EYA4: variants seen among roughly 807,000 people sequenced by gnomAD.
The protein encoded by EYA4 is EYA transcriptional coactivator and phosphatase 4.
A neutral mutation model predicts 87.9 loss-of-function variants in EYA4; 31 were observed. The ratio of observed to expected loss-of-function variants is 0.35; its 90% CI spans 0.27 to 0.48. EYA4 has a LOEUF of 0.48. EYA4 is among the 20% of genes least tolerant of loss of function. The probability of loss-of-function intolerance (pLI) is 0.99; values close to 1 mark genes in which losing one functional copy is unlikely to be tolerated. For missense variants in EYA4, 678 were observed against 761.4 expected (o/e 0.89, Z 1.29); for synonymous variants, 263 against 270.6 (o/e 0.97, Z 0.28).
intron 2 of EYA4, among the ~76,000 whole-genome samples, chr6:133,351,835 T>C (rs1216991577): frequency 6.6e-6 from 1 of 152,210 alleles, no homozygotes; most frequent in African/African-American, 2.4e-5. Context: ...AGGAACCTAA[T>C]GAACCCTTAT....
At position 133,270,447 on chromosome 6, in the gene EYA4, G is replaced by A. The variant is rs2105103; in HGVS notation, c.-65-4269G>A. 5.3e-5 allele frequency among the ~76,000 whole-genome samples: 8 copies of A among 152,160 alleles called. No homozygotes were observed. The East Asian group carries it at 1.5e-3, about 29-fold the overall frequency. ...CATGATAAAGGAAAAGGAAATAAAG[G>A]TATTTTCTTAGTACAAGTGTATACA... On this transcript the variant is annotated intron_variant, in intron 1 of 19. Transcript: ENST00000355286.
At position 133,332,636 on chromosome 6, in the gene EYA4, C is replaced by T. The variant is rs1034372774; in HGVS notation, c.34-49756C>T. Among the ~76,000 whole-genome samples, 6 of 152,050 alleles carry T rather than the reference C, an allele frequency of 3.9e-5. No individual in the cohort carries two copies. In the East Asian group the frequency reaches 5.8e-4, roughly 15 times the overall value. On this transcript the variant is annotated intron_variant, in intron 2 of 19. Coordinates refer to ENST00000355286, the MANE Select transcript of EYA4 (RefSeq NM_004100.5). The stretch of plus-strand genomic sequence containing the variant: ...TCAGCTAACTGCTACCTCCGCCTCC[C>T]GGGTTCAAGCTATTCCCCTGCCTCA...
chr6:133,371,473 C>G (rs1451570606), intron 2 of EYA4, among the ~76,000 whole-genome samples: 1 of 152,192 alleles, frequency 6.6e-6, no homozygotes, highest in Non-Finnish European at 1.5e-5. Flanking sequence ...CGAAAGTTCA[C>G]TAAACCACTA....
chr6:133,328,319 T>TA (rs2128375361), intron 2 of EYA4, among the ~76,000 whole-genome samples: 1 of 152,294 alleles, frequency 6.6e-6, no homozygotes, highest in East Asian at 1.9e-4. Context: ...CACATGGTTT[T>TA]AAATCACTCC....
chr6:133,370,754 G>A (rs1397146322), intron 2 of EYA4, among the ~76,000 whole-genome samples: 3 of 152,054 alleles, frequency 2.0e-5, no homozygotes, highest in African/African-American at 7.2e-5. Flanking sequence ...TTTGAAATTT[G>A]TGCTGAATTT....
intron 2 of EYA4, among the ~76,000 whole-genome samples, chr6:133,292,013 C>T (rs979971557): frequency 1.3e-4 from 20 of 152,110 alleles, no homozygotes; most frequent in Non-Finnish European, 2.5e-4. Flanking sequence ...TACTTGCATA[C>T]TATCCTAGGG....
chr6:133,373,993 C>G lies in EYA4; in HGVS notation c.34-8399C>G, dbSNP rs536297141. Reference sequence around the variant, plus strand: ...CACTGGGTAATAATGAAAAAATATACCATTAGAAGGAGTTTGAAATTTTCC... The same window carrying G: ...CACTGGGTAATAATGAAAAAATATAGCATTAGAAGGAGTTTGAAATTTTCC... On this transcript the variant is annotated intron_variant, in intron 2 of 19. Transcript: ENST00000355286. Among the ~76,000 whole-genome samples the G allele has an allele frequency of 2.0e-5, 3 of 151,940 alleles. No individual in the cohort carries two copies. In the East Asian group the frequency reaches 5.8e-4, roughly 29 times the overall value.
intron 17 of EYA4, among the ~76,000 whole-genome samples, chr6:133,516,246 G>A (rs1389591657): frequency 2.0e-5 from 3 of 152,188 alleles, no homozygotes; most frequent in African/African-American, 4.8e-5. Flanking sequence ...AGGGTGAAGG[G>A]TAGGAGGAGG....
chr6:133,307,845 G>C (rs1329198288), intron 2 of EYA4, among the ~76,000 whole-genome samples: 2 of 152,162 alleles, frequency 1.3e-5, no homozygotes, highest in African/African-American at 4.8e-5. Flanking sequence ...GATATGGTTT[G>C]ATTGTGTCAT....
chr6:133,302,963 G>A (rs774576329), intron 2 of EYA4, among the ~76,000 whole-genome samples: 57 of 152,234 alleles, frequency 3.7e-4, no homozygotes, highest in Non-Finnish European at 6.0e-4. Flanking sequence ...AGTCTCAGTT[G>A]CAGCTGCTTA....
intron 2 of EYA4, among the ~76,000 whole-genome samples, chr6:133,300,779 C>T (rs1221036651): frequency 6.6e-6 from 1 of 152,088 alleles, no homozygotes; most frequent in African/African-American, 2.4e-5. Flanking sequence ...CTTATACTGG[C>T]TGTAATTATT....
chr6:133,507,362 A>G (rs1450772275), intron 14 of EYA4: 1 of 130,474 alleles, frequency 7.7e-6, no homozygotes, highest in Non-Finnish European at 1.6e-5. Flanking sequence ...AAGCCAAGTT[A>G]TTGAGTTACT....
intron 5 of EYA4, among the ~76,000 whole-genome samples, chr6:133,454,276 G>A (rs1793720953): frequency 1.3e-5 from 2 of 152,156 alleles, no homozygotes; most frequent in African/African-American, 4.8e-5. Context: ...CTGTTTCTTA[G>A]TTTTGCTGAA....
At chr6:133,256,255 T>G (rs768916627) in intron 1 of EYA4, among the ~76,000 whole-genome samples, 5 of 151,490 alleles carry the variant, frequency 3.3e-5, no homozygotes, top group Non-Finnish European at 7.4e-5. Context: ...TAGTATTCAT[T>G]TTTATGAATG....
rs535330435 is a variant in EYA4 at position 133,271,389 on chromosome 6, C to T, written c.-65-3327C>T. 6.9e-4 allele frequency among the ~76,000 whole-genome samples: 105 copies of T among 152,116 alleles called. 1 individual carries two copies. Among genetic ancestry groups the T allele is most frequent in the African/African-American group, 2.5e-3 (102 of 41,484 alleles). ...TTCTTTATCCATAAAGTGAGTGCCT[C>T]GGTCAGAGGCAATGCTGTGTGGAAT... On this transcript the variant is annotated intron_variant, in intron 1 of 19. Coordinates refer to ENST00000355286, the MANE Select transcript of EYA4 (RefSeq NM_004100.5).
Position 133,273,097 on chromosome 6 carries a change from G to GTGTATATATATATATATATATATATA in EYA4, c.-65-1618_-65-1617insGTATATATATATATATATATATATAT, listed in dbSNP as rs142020137. Among the ~76,000 whole-genome samples the GTGTATATATATATATATATATATATA allele has an allele frequency of 1.9e-3, 198 of 106,588 alleles. 6 individuals are homozygous for GTGTATATATATATATATATATATATA. The highest frequency in any genetic ancestry group is 5.7e-3 in the African/African-American group (181 of 31,498). The allele number at this position is 106,588 out of a possible 152,430, so 69.9% of individuals were successfully genotyped here. A position where few individuals can be genotyped will look rare whatever the true frequency, so the allele number is the denominator to read the frequency against. ...CAGAACTAATAGGAGATATATATATGTATATATATATATATATATAAAGGG... is the reference window on the plus strand; with the variant it reads ...CAGAACTAATAGGAGATATATATATGTGTATATATATATATATATATATATATATATATATATATATATATAAAGGG... On this transcript the variant is annotated intron_variant, in intron 1 of 19. Transcript: ENST00000355286.
chr6:133,362,410 T>C (rs1026383170), intron 2 of EYA4, among the ~76,000 whole-genome samples: 4 of 152,222 alleles, frequency 2.6e-5, no homozygotes, highest in African/African-American at 9.6e-5. Context: ...AATGAGAAAC[T>C]GACCTAATGA....
At chr6:133,399,516 T>A (rs1040215847) in intron 3 of EYA4, among the ~76,000 whole-genome samples, 1 of 152,190 alleles carries the variant, frequency 6.6e-6, no homozygotes, top group African/African-American at 2.4e-5. Context: ...ACTTATGTTT[T>A]AAATCAAGAA....
intron 17 of EYA4, among the ~76,000 whole-genome samples, chr6:133,520,807 C>T (rs1800051678): frequency 6.6e-6 from 1 of 151,902 alleles, no homozygotes; most frequent in Admixed American, 6.6e-5. Context: ...AGAAATAACA[C>T]CGCCTATCTA....
Sources: gnomAD v4.1 joint callset for allele counts (sites outside exome capture counted in the v4.1 genomes callset) on GRCh38, gnomAD v4.1.1 for gene constraint, MANE v1.5 for transcripts, NCBI Gene and HGNC (gene_info 2026-07-23, HGNC 2026-07-21) for gene names.